The following VWA8 variants were observed in gnomAD, a reference collection of about 807,000 sequenced individuals.
The protein encoded by VWA8 is von Willebrand factor A domain containing 8, also known as von Willebrand factor A domain-containing protein 8.
VWA8 carries 221 observed loss-of-function variants against 241.5 expected under a neutral mutation model. The ratio of observed to expected loss-of-function variants is 0.91; its 90% confidence interval spans 0.82 to 1.02. VWA8 has a LOEUF of 1.02. VWA8 is among the 50% of genes least tolerant of loss of function. VWA8 has a pLI of 0.00. For missense variants in VWA8, 2,322 were observed against 2,328.7 expected (o/e 1.00, Z 0.06); for synonymous variants, 852 against 827.1 (o/e 1.03, Z -0.52).
At chr13:41,827,044 A>G (rs530872798) in intron 14 of VWA8, among the ~76,000 whole-genome samples, 1 of 152,326 alleles carries the variant, frequency 6.6e-6, no homozygotes, top group Non-Finnish European at 1.5e-5. Context: ...GCTCCCATAC[A>G]GTATTATACA....
chr13:41,705,519 G>T (rs926036561), intron 26 of VWA8, among the ~76,000 whole-genome samples: 5 of 152,112 alleles, frequency 3.3e-5, no homozygotes, highest in African/African-American at 9.7e-5. Context: ...AAAAATAACA[G>T]AAGGAGATAC....
At chr13:41,827,691 G>GC (rs1368260251) in intron 14 of VWA8, among the ~76,000 whole-genome samples, 1 of 152,204 alleles carries the variant, frequency 6.6e-6, no homozygotes, top group African/African-American at 2.4e-5. Context: ...TGGAAATAGA[G>GC]CTAAGCCTAG....
intron 26 of VWA8, chr13:41,719,238 T>C (rs2045365854): frequency 2.7e-5 from 16 of 593,260 alleles, no homozygotes; most frequent in Non-Finnish European, 3.5e-5. Flanking sequence ...CAACTAAATG[T>C]ACATTATCTC....
Position 41,841,844 on chromosome 13 carries a change from T to TATATATATAA in VWA8, c.1426-8314_1426-8313insTTATATATAT, listed in dbSNP as rs1245671685. On this transcript the variant is annotated intron_variant, in intron 12 of 44. Coordinates refer to ENST00000379310, the MANE Select transcript of VWA8 (RefSeq NM_015058.2). ...AAATATATATATATATATATATATA[T>TATATATATAA]ATATATATATATATAAAAACAGTAG... 3.4e-5 allele frequency among the ~76,000 whole-genome samples: 3 copies of TATATATATAA among 89,140 alleles called. No homozygotes were observed. In the East Asian group the frequency reaches 9.6e-4, roughly 29 times the overall value. The allele number at this position is 89,140 out of a possible 152,430, so 58.5% of individuals were successfully genotyped here. A position where few individuals can be genotyped will look rare whatever the true frequency, so the allele number is the denominator to read the frequency against.
intron 26 of VWA8, among the ~76,000 whole-genome samples, chr13:41,710,972 C>T (rs1336977176): frequency 6.6e-6 from 1 of 152,212 alleles, no homozygotes; most frequent in South Asian, 2.1e-4. Context: ...AAAACCGATT[C>T]TAGGCAGATG....
chr13:41,788,342 G>A (rs1207969854), intron 17 of VWA8, among the ~76,000 whole-genome samples: 1 of 152,274 alleles, frequency 6.6e-6, no homozygotes, highest in East Asian at 1.9e-4. Context: ...TAAATCTTTG[G>A]TGGTGATTCC....
intron 12 of VWA8, among the ~76,000 whole-genome samples, chr13:41,856,355 A>C (rs1872749846): frequency 6.6e-6 from 1 of 152,182 alleles, no homozygotes; most frequent in African/African-American, 2.4e-5. Flanking sequence ...AAAACAAAAC[A>C]AAACAAAATA....
intron 24 of VWA8, 100 bp from the exon 25 acceptor site, chr13:41,721,675 C>T: frequency 1.6e-6 from 2 of 1,252,466 alleles, no homozygotes; most frequent in Non-Finnish European, 2.2e-6. Flanking sequence ...GGTTGCTCAT[C>T]AAAGCATAGA....
At chr13:41,923,188 G>A (rs1876643459) in intron 2 of VWA8, among the ~76,000 whole-genome samples, 1 of 152,072 alleles carries the variant, frequency 6.6e-6, no homozygotes, top group Non-Finnish European at 1.5e-5. Flanking sequence ...CACAAGGACA[G>A]AAAAACAAAC....
chr13:41,776,114 A>G (rs1204558748), intron 20 of VWA8, among the ~76,000 whole-genome samples: 1 of 152,094 alleles, frequency 6.6e-6, no homozygotes, highest in Non-Finnish European at 1.5e-5. Context: ...AAAAACCTGC[A>G]CCTTAGAAAA....
chr13:41,925,772 C>A, intron 2 of VWA8: 1 of 230,714 alleles, frequency 4.3e-6, no homozygotes, highest in East Asian at 1.1e-4. Flanking sequence ...CCAACCATAC[C>A]ACTGACAGTG....
At chr13:41,905,341 G>C (rs1412460559) in intron 4 of VWA8, 2 of 152,064 alleles carry the variant, frequency 1.3e-5, no homozygotes, top group East Asian at 1.9e-4. Flanking sequence ...TGGACAGTTA[G>C]ATATAAAATT....
intron 42 of VWA8, among the ~76,000 whole-genome samples, chr13:41,586,897 T>C (rs1433953754): frequency 2.0e-5 from 3 of 152,190 alleles, no homozygotes; most frequent in Admixed American, 6.5e-5. Context: ...GAAGTGCAGG[T>C]GCTCTCTGTG....
At chr13:41,587,889 A>G (rs1342340349) in intron 41 of VWA8, among the ~76,000 whole-genome samples, 1 of 152,238 alleles carries the variant, frequency 6.6e-6, no homozygotes, top group African/African-American at 2.4e-5. Context: ...TTGGGGCCAC[A>G]TGGAAAATAT....
At chr13:41,671,965 A>T (rs2045028647) in intron 36 of VWA8, among the ~76,000 whole-genome samples, 1 of 152,148 alleles carries the variant, frequency 6.6e-6, no homozygotes, top group Non-Finnish European at 1.5e-5. Flanking sequence ...CAACAGAACC[A>T]TCTGTAAGAA....
At chr13:41,573,474 TAAA>T (rs543021636) in intron 43 of VWA8, among the ~76,000 whole-genome samples, 3,113 of 126,470 alleles carry the variant, frequency 0.025, 128 homozygotes, top group African/African-American at 0.094. Flanking sequence ...GGCTATAGTT[TAAA>T]AAAAAAAAAA....
At chr13:41,573,891 G>C (rs1164553763) in intron 43 of VWA8, among the ~76,000 whole-genome samples, 1 of 151,964 alleles carries the variant, frequency 6.6e-6, no homozygotes, top group African/African-American at 2.4e-5. Flanking sequence ...CGGGGTGCTG[G>C]GATTGCAGGC....
rs183256978 is a variant in VWA8, at chr13:41,639,161, T to G, written c.4612-24077A>C. Among the ~76,000 whole-genome samples, 462 of 139,206 alleles carry G rather than the reference T, an allele frequency of 3.3e-3. 5 individuals are homozygous for G. Among genetic ancestry groups the G allele is most frequent in the Non-Finnish European group, 2.3e-3 (153 of 66,626 alleles). 91.3% of individuals were successfully genotyped at this position (139,206 alleles called of 152,430 possible). A position where few individuals can be genotyped will look rare whatever the true frequency, so the allele number is the denominator to read the frequency against. On this transcript the variant is annotated intron_variant, in intron 37 of 44. Transcript: ENST00000379310. ...TTATGGAGATTGGGCTTAAAAGACT[T>G]TTTTTTTTTTGGCTCAGAAGAATTT... is the stretch of plus-strand genomic sequence containing the variant.
intron 16 of VWA8, among the ~76,000 whole-genome samples, chr13:41,813,123 G>T (rs988244919): frequency 2.0e-5 from 3 of 152,074 alleles, no homozygotes; most frequent in African/African-American, 7.2e-5. Flanking sequence ...TGACGGGTTT[G>T]GCTTTATTCT....
Sources: allele counts gnomAD v4.1 joint callset (sites outside exome capture counted in the v4.1 genomes callset), GRCh38; gene constraint gnomAD v4.1.1; transcripts MANE v1.5; gene names NCBI Gene and HGNC (gene_info 2026-07-23, HGNC 2026-07-21).